Variants in ENOX1 observed in about 807,000 individuals in gnomAD.
ENOX1 encodes the protein candidate growth-related and time keeping constitutive hydroquinone (NADH) oxidase.
A neutral mutation model predicts 82.5 loss-of-function variants in ENOX1; 42 were observed. That is an observed-to-expected ratio of 0.51 (90% CI 0.40 to 0.66). The LOEUF is 0.66. Ranked by LOEUF, ENOX1 falls within the 30% of genes least tolerant of loss-of-function variation. The probability of loss-of-function intolerance (pLI) is 0.00; values close to 1 mark genes in which losing one functional copy is unlikely to be tolerated. For synonymous variants in ENOX1, 271 were observed against 282.2 expected (o/e 0.96, Z 0.40); for missense variants, 608 against 811.6 (o/e 0.75, Z 3.05).
At position 43,781,974 on chromosome 13, in the gene ENOX1, TC is replaced by T. The variant is rs1476311921; in HGVS notation, c.-285+4677del. ...TTTGTTTGCTTATTTTTAGCAATCA[TC>T]CCATTTGGGTGGGTAAGAGTTTACA... On this transcript the variant is annotated intron_variant, in intron 1 of 16. Transcript: ENST00000690772. 2.6e-5 allele frequency among the ~76,000 whole-genome samples: 4 copies of T among 152,312 alleles called. No individual in the cohort carries two copies. The East Asian group carries it at 7.7e-4, about 29-fold the overall frequency.
At position 43,213,961 on chromosome 13, in the gene ENOX1, C is replaced by T; in HGVS notation, c.*29G>A. ...CGCCCTGGCCAGGTTCACATGGTTT[C>T]ATTTCCAGAGATGCTTTGCTCTTCG... On this transcript the variant is annotated 3_prime_UTR_variant, in exon 17 of 17. Transcript: ENST00000690772. 6.2e-7 allele frequency: 1 copy of T among 1,607,884 alleles called. No homozygotes were observed. Among genetic ancestry groups the T allele is most frequent in the Non-Finnish European group, 8.5e-7 (1 of 1,176,140 alleles).
At chr13:43,310,213 A>G (rs2047120284) in intron 11 of ENOX1, among the ~76,000 whole-genome samples, 2 of 150,964 alleles carry the variant, frequency 1.3e-5, no homozygotes, top group East Asian at 1.9e-4. Flanking sequence ...AAAAAAAAAA[A>G]AAAAAAAAAA....
intron 1 of ENOX1, among the ~76,000 whole-genome samples, chr13:43,761,282 C>A (rs1260487482): frequency 6.6e-6 from 1 of 152,214 alleles, no homozygotes; most frequent in East Asian, 1.9e-4. Flanking sequence ...CATTTTCAAT[C>A]TGAAGGAAAC....
At chr13:43,757,422 C>T (rs1950714854) in intron 1 of ENOX1, among the ~76,000 whole-genome samples, 1 of 152,202 alleles carries the variant, frequency 6.6e-6, no homozygotes, top group South Asian at 2.1e-4. Context: ...ACCAAGCTGG[C>T]CAGCTGGATG....
intron 12 of ENOX1, among the ~76,000 whole-genome samples, chr13:43,287,790 G>C (rs4942197): frequency 0.61 from 92,835 of 151,988 alleles, 28,835 homozygotes; most frequent in Middle Eastern, 0.7. Flanking sequence ...GCTCTGAAAA[G>C]TCCCAAACCT....
At chr13:43,688,749 G>T (rs1408123663) in intron 1 of ENOX1, among the ~76,000 whole-genome samples, 1 of 149,344 alleles carries the variant, frequency 6.7e-6, no homozygotes, top group African/African-American at 2.5e-5. Context: ...GCAGAGAAAG[G>T]GGCACAGGAG....
intron 12 of ENOX1, among the ~76,000 whole-genome samples, chr13:43,292,478 T>C (rs2046052912): frequency 6.6e-6 from 1 of 152,146 alleles, no homozygotes. Context: ...GAAAGCCTCC[T>C]GTCACAAACT....
intron 3 of ENOX1, among the ~76,000 whole-genome samples, chr13:43,470,355 TATATATATACGTATATATATAC>T (rs1566307276): frequency 7.1e-5 from 4 of 56,516 alleles, no homozygotes; most frequent in East Asian, 2.3e-3. Context: ...TATATATATG[TATATATATACGTATATATATAC>T]ATATATATAC....
At chr13:43,780,339 T>C (rs908377423) in intron 1 of ENOX1, among the ~76,000 whole-genome samples, 3 of 152,042 alleles carry the variant, frequency 2.0e-5, no homozygotes, top group African/African-American at 7.2e-5. Context: ...ATCTTCCCTA[T>C]GTATTAAAAT....
intron 1 of ENOX1, among the ~76,000 whole-genome samples, chr13:43,693,846 G>A (rs559586418): frequency 6.6e-6 from 1 of 151,980 alleles, no homozygotes; most frequent in Non-Finnish European, 1.5e-5. Flanking sequence ...CAAAAATGTC[G>A]ACTAAGCTTT....
At chr13:43,473,231 T>C (rs775076410) in intron 3 of ENOX1, among the ~76,000 whole-genome samples, 13 of 152,238 alleles carry the variant, frequency 8.5e-5, no homozygotes, top group Non-Finnish European at 1.8e-4. Context: ...GCTTGTTGAA[T>C]ATATATTCTT....
chr13:43,366,578 C>T (rs2153564138), intron 5 of ENOX1, among the ~76,000 whole-genome samples: 1 of 152,216 alleles, frequency 6.6e-6, no homozygotes, highest in Non-Finnish European at 1.5e-5. Flanking sequence ...ACCTGGCCAG[C>T]TGACTGGCTT....
intron 5 of ENOX1, among the ~76,000 whole-genome samples, chr13:43,361,697 C>A (rs998326362): frequency 1.3e-5 from 2 of 152,116 alleles, no homozygotes; most frequent in African/African-American, 4.8e-5. Flanking sequence ...AGAAAGAACA[C>A]AGCATATTAA....
At chr13:43,687,366 G>C (rs571208964) in intron 1 of ENOX1, among the ~76,000 whole-genome samples, 3 of 152,292 alleles carry the variant, frequency 2.0e-5, no homozygotes, top group Middle Eastern at 6.8e-3. Flanking sequence ...AATGGATCAT[G>C]TCAATCTGGA....
At chr13:43,224,818 G>C (rs1048008911) in intron 15 of ENOX1, among the ~76,000 whole-genome samples, 4 of 152,216 alleles carry the variant, frequency 2.6e-5, no homozygotes, top group African/African-American at 7.2e-5. Context: ...GTGCAAATCA[G>C]CTGTCAACAT....
At chr13:43,559,094 G>A (rs9525801) in intron 2 of ENOX1, among the ~76,000 whole-genome samples, 148,020 of 152,304 alleles carry the variant, frequency 0.97, 72,071 homozygotes, top group East Asian at 1. Flanking sequence ...GCAATATTCA[G>A]TCAGCTAAAT....
chr13:43,359,068 T>G (rs1308348741), intron 7 of ENOX1, among the ~76,000 whole-genome samples: 2 of 151,870 alleles, frequency 1.3e-5, no homozygotes, highest in Non-Finnish European at 2.9e-5. Flanking sequence ...TAGGTCCCCC[T>G]GCCCCTCCCC....
At chr13:43,391,990 G>C (rs1410058469) in intron 5 of ENOX1, among the ~76,000 whole-genome samples, 1 of 152,108 alleles carries the variant, frequency 6.6e-6, no homozygotes, top group Non-Finnish European at 1.5e-5. Context: ...CAACCACCAA[G>C]CTGGTTGTCC....
intron 2 of ENOX1, among the ~76,000 whole-genome samples, chr13:43,623,804 T>A (rs2082851980): frequency 6.6e-6 from 1 of 152,234 alleles, no homozygotes; most frequent in Non-Finnish European, 1.5e-5. Context: ...TATGTGTATA[T>A]CATAATTTGT....
Sources: gnomAD v4.1 joint callset for allele counts (sites outside exome capture counted in the v4.1 genomes callset) on GRCh38, gnomAD v4.1.1 for gene constraint, MANE v1.5 for transcripts, NCBI Gene and HGNC (gene_info 2026-07-23, HGNC 2026-07-21) for gene names.